Variants in MARCHF3 observed in about 807,000 individuals in gnomAD.
The protein encoded by MARCHF3 is E3 ubiquitin-protein ligase MARCHF3.
MARCHF3 carries 13 observed loss-of-function variants against 24.2 expected under a neutral mutation model. That is an observed-to-expected ratio of 0.54 (90% CI 0.35 to 0.85). MARCHF3 has a LOEUF of 0.85. Ranked by LOEUF, MARCHF3 falls within the 40% of genes least tolerant of loss-of-function variation. MARCHF3 has a pLI of 0.01. For synonymous variants in MARCHF3, 144 were observed against 137.3 expected (o/e 1.05, Z -0.34); for missense variants, 276 against 325.0 (o/e 0.85, Z 1.16).
At chr5:127,018,562 C>T (rs992154558) in intron 1 of MARCHF3, among the ~76,000 whole-genome samples, 3 of 152,102 alleles carry the variant, frequency 2.0e-5, no homozygotes, top group Non-Finnish European at 2.9e-5. Flanking sequence ...AAGGATGTCA[C>T]CATACAAACT....
chr5:126,975,588 C>T (rs1263505635), intron 1 of MARCHF3, among the ~76,000 whole-genome samples: 1 of 152,178 alleles, frequency 6.6e-6, no homozygotes, highest in Non-Finnish European at 1.5e-5. Context: ...CAGCCGCATT[C>T]TGCTAATGCC....
chr5:127,019,767 ACGT>A lies in MARCHF3; in HGVS notation c.-57+10580_-57+10582del, dbSNP rs533162146. Reference sequence around the variant, plus strand: ...CCTTACTTTTCGCATGAGATAATACACGTCCTTACTGTTTATGTCAATTTGAGT... The same window carrying A: ...CCTTACTTTTCGCATGAGATAATACACCTTACTGTTTATGTCAATTTGAGT... On this transcript the variant is annotated intron_variant, in intron 1 of 4. Coordinates refer to ENST00000308660, the MANE Select transcript of MARCHF3 (RefSeq NM_178450.5). Among the ~76,000 whole-genome samples, 368 of 152,282 alleles carry A rather than the reference ACGT, an allele frequency of 2.4e-3. 1 individual carries two copies. The highest frequency in any genetic ancestry group is 8.0e-3 in the African/African-American group (334 of 41,542).
intron 3 of MARCHF3, among the ~76,000 whole-genome samples, chr5:126,879,912 C>G (rs1423259956): frequency 6.6e-6 from 1 of 152,092 alleles, no homozygotes; most frequent in Non-Finnish European, 1.5e-5. Flanking sequence ...CTGATGCGTG[C>G]CCAGCAGTGC....
At chr5:126,896,682 C>T (rs1479389093) in intron 3 of MARCHF3, among the ~76,000 whole-genome samples, 1 of 152,054 alleles carries the variant, frequency 6.6e-6, no homozygotes, top group Non-Finnish European at 1.5e-5. Context: ...TATACTATGG[C>T]CTTCTCATGG....
intron 1 of MARCHF3, among the ~76,000 whole-genome samples, chr5:127,008,858 A>T (rs1434135116): frequency 6.6e-6 from 1 of 150,420 alleles, no homozygotes; most frequent in African/African-American, 2.4e-5. Context: ...ATAAACATTC[A>T]GGAGACGTTA....
At chr5:126,945,416 G>T (rs1195137264) in intron 1 of MARCHF3, among the ~76,000 whole-genome samples, 1 of 152,240 alleles carries the variant, frequency 6.6e-6, no homozygotes, top group African/African-American at 2.4e-5. Context: ...AGGGTGGGCA[G>T]AGGCATTCAG....
In MARCHF3 at chr5:126,903,450, A is replaced by G. The variant is rs546863028; in HGVS notation, c.393+11480T>C. On this transcript the variant is annotated intron_variant, in intron 3 of 4. Transcript: ENST00000308660. ...TGAACAAAGGGGCTTGTCTGCCTTCATATAAAGAATGGAGTGGTGGTCCTC... is the reference window on the plus strand; with the variant it reads ...TGAACAAAGGGGCTTGTCTGCCTTCGTATAAAGAATGGAGTGGTGGTCCTC... 1.1e-4 allele frequency among the ~76,000 whole-genome samples: 17 copies of G among 152,264 alleles called. No individual in the cohort carries two copies. The South Asian group carries it at 3.5e-3, about 32-fold the overall frequency.
chr5:126,995,389 A>G (rs1401940432), intron 1 of MARCHF3, among the ~76,000 whole-genome samples: 6 of 152,212 alleles, frequency 3.9e-5, no homozygotes, highest in African/African-American at 1.4e-4. Flanking sequence ...ACATGTTCCT[A>G]TCTTGCTTTT....
chr5:126,875,344 G>A (rs761839691), intron 4 of MARCHF3, among the ~76,000 whole-genome samples: 8 of 152,158 alleles, frequency 5.3e-5, no homozygotes, highest in Non-Finnish European at 1.0e-4. Flanking sequence ...GTGTGCCTGC[G>A]AGAAACTCCA....
At chr5:126,922,512 T>TTTTATTTATTTA (rs58540964) in intron 1 of MARCHF3, among the ~76,000 whole-genome samples, 1,923 of 142,854 alleles carry the variant, frequency 0.013, 21 homozygotes, top group East Asian at 0.054. Flanking sequence ...CATTTCTGTC[T>TTTTATTTATTTA]TTTATTTATT....
chr5:126,907,578 C>T (rs1203451145), intron 3 of MARCHF3, among the ~76,000 whole-genome samples: 1 of 151,432 alleles, frequency 6.6e-6, no homozygotes, highest in Non-Finnish European at 1.5e-5. Context: ...TAAGTAATGG[C>T]CTTCTTTGTC....
At chr5:126,982,690 G>C (rs1304103180) in intron 1 of MARCHF3, among the ~76,000 whole-genome samples, 1 of 152,164 alleles carries the variant, frequency 6.6e-6, no homozygotes, top group African/African-American at 2.4e-5. Context: ...TGTAACATCT[G>C]GGGCACATCA....
At chr5:126,950,299 G>T (rs1181183215) in intron 1 of MARCHF3, among the ~76,000 whole-genome samples, 1 of 152,140 alleles carries the variant, frequency 6.6e-6, no homozygotes, top group Admixed American at 6.5e-5. Flanking sequence ...CATGACCACA[G>T]ACTCAGTGAG....
At chr5:126,935,835 T>G (rs1475581603) in intron 1 of MARCHF3, among the ~76,000 whole-genome samples, 3 of 152,070 alleles carry the variant, frequency 2.0e-5, no homozygotes, top group African/African-American at 7.2e-5. Context: ...AGTCTCGAAT[T>G]CCTGACCTCA....
At chr5:126,973,369 G>T (rs940526999) in intron 1 of MARCHF3, among the ~76,000 whole-genome samples, 1 of 152,236 alleles carries the variant, frequency 6.6e-6, no homozygotes, top group Non-Finnish European at 1.5e-5. Context: ...GTATCAGCCT[G>T]CAGTTTGTGG....
At chr5:127,022,622 C>G (rs571720892) in intron 1 of MARCHF3, among the ~76,000 whole-genome samples, 5 of 152,294 alleles carry the variant, frequency 3.3e-5, no homozygotes, top group Admixed American at 6.5e-5. Flanking sequence ...GTTCTACACT[C>G]TCATCTGGAA....
intron 1 of MARCHF3, among the ~76,000 whole-genome samples, chr5:126,974,143 C>T (rs915528749): frequency 6.6e-6 from 1 of 151,756 alleles, no homozygotes; most frequent in African/African-American, 2.4e-5. Flanking sequence ...ATGATCCACC[C>T]GCCTCAGCCT....
chr5:126,877,007 G>A (rs527430931), intron 4 of MARCHF3, among the ~76,000 whole-genome samples: 15 of 152,312 alleles, frequency 9.8e-5, no homozygotes, highest in African/African-American at 3.4e-4. Flanking sequence ...TCACTAGCCT[G>A]GGAACAGAAT....
chr5:126,878,305 G>A lies in MARCHF3; in HGVS notation c.483C>T (p.Ile161=). ...CFLFITPLAT[I]SGWLCLRGAV... ...CGCCCCGCAGGCACAGCCAGCCCGA[G>A]ATGGTGGCCAGGGGAGTTATAAACA... Residue 161 remains isoleucine, a synonymous_variant, in exon 4 of 5, where the codon ATC becomes ATT. Transcript: ENST00000308660. 6.2e-7 allele frequency: 1 copy of A among 1,614,278 alleles called. No individual in the cohort carries two copies. Among genetic ancestry groups the A allele is most frequent in the Non-Finnish European group, 8.5e-7 (1 of 1,180,050 alleles).
Sources: gnomAD v4.1 joint callset for allele counts (sites outside exome capture counted in the v4.1 genomes callset) on GRCh38, gnomAD v4.1.1 for gene constraint, MANE v1.5 for transcripts, NCBI Gene and HGNC (gene_info 2026-07-23, HGNC 2026-07-21) for gene names.